The following RPA3 variants were observed in gnomAD, a reference collection of about 807,000 sequenced individuals.
RPA3 encodes the protein replication protein A 14 kDa subunit.
In RPA3, 24 loss-of-function variants were observed where a neutral mutation model predicts 13.7. The ratio of observed to expected loss-of-function variants is 1.75; its 90% confidence interval spans 1.27 to 2.46. The LOEUF (loss-of-function observed/expected upper bound fraction) is 2.46, where lower values mean the gene tolerates loss of function less well. RPA3 is among the 30% of genes most tolerant of loss of function. RPA3 has a pLI of 0.00. For synonymous variants in RPA3, 59 were observed against 51.2 expected (o/e 1.15, Z -0.65); for missense variants, 183 against 151.0 (o/e 1.21, Z -1.11).
intron 4 of RPA3, among the ~76,000 whole-genome samples, chr7:7,681,455 G>T (rs1409307111): frequency 1.3e-5 from 2 of 152,102 alleles, no homozygotes; most frequent in African/African-American, 2.4e-5. Context: ...ACCTTTCTCC[G>T]CATTAAGATT....
chr7:7,643,711 CA>C (rs34403294), intron 4 of RPA3, among the ~76,000 whole-genome samples: 7 of 66,962 alleles, frequency 1.0e-4, no homozygotes, highest in East Asian at 2.6e-4. Context: ...GACTCCCTCT[CA>C]AAAAAAAAAA....
chr7:7,666,410 G>A (rs998953896), intron 4 of RPA3, among the ~76,000 whole-genome samples: 11 of 152,048 alleles, frequency 7.2e-5, no homozygotes, highest in African/African-American at 2.2e-4. Flanking sequence ...GTTTTGCCAC[G>A]TTGCCCAGGC....
At chr7:7,691,011 T>G (rs971971903) in intron 2 of RPA3, among the ~76,000 whole-genome samples, 19 of 152,326 alleles carry the variant, frequency 1.2e-4, no homozygotes, top group African/African-American at 4.1e-4. Flanking sequence ...TTACAGGACC[T>G]TGAAGCATGT....
chr7:7,661,711 A>T (rs1233636583), intron 4 of RPA3, among the ~76,000 whole-genome samples: 1 of 152,182 alleles, frequency 6.6e-6, no homozygotes, highest in African/African-American at 2.4e-5. Context: ...ACCAGATGCC[A>T]GCCAGAGCTC....
chr7:7,640,512 A>G lies in RPA3; in HGVS notation c.-94T>C, dbSNP rs1784942699. The G allele has an allele frequency of 8.7e-7, 1 of 1,148,702 alleles. No homozygotes were observed. Among genetic ancestry groups the G allele is most frequent in the African/African-American group, 1.5e-5 (1 of 65,382 alleles). The allele number at this position is 1,148,702 out of a possible 1,614,324, so 71.2% of individuals were successfully genotyped here. ...CTATGGGGCAGATTTCTCGGCACCA[A>G]TCAGCGAAGACTAGCGCTCCAGCTT... On this transcript the variant is annotated 5_prime_UTR_variant, in exon 5 of 8. Transcript: ENST00000223129.
At chr7:7,695,318 A>G (rs936056413) in intron 2 of RPA3, among the ~76,000 whole-genome samples, 2 of 152,226 alleles carry the variant, frequency 1.3e-5, no homozygotes, top group African/African-American at 2.4e-5. Flanking sequence ...TCTCAAGCCC[A>G]GCCAACTTTA....
intron 2 of RPA3, among the ~76,000 whole-genome samples, chr7:7,714,167 A>T (rs949540542): frequency 2.0e-5 from 3 of 152,234 alleles, no homozygotes; most frequent in African/African-American, 7.2e-5. Flanking sequence ...AAATGTGTTG[A>T]GACTTGATTC....
At chr7:7,713,629 G>T (rs186311577) in intron 2 of RPA3, among the ~76,000 whole-genome samples, 2 of 150,072 alleles carry the variant, frequency 1.3e-5, no homozygotes, top group East Asian at 2.0e-4. Flanking sequence ...ATTTTCTTTG[G>T]AGTTTATTTT....
intron 4 of RPA3, among the ~76,000 whole-genome samples, chr7:7,666,433 C>T (rs1367233679): frequency 1.3e-5 from 2 of 151,898 alleles, no homozygotes; most frequent in Admixed American, 6.6e-5. Context: ...GTCATGAGCT[C>T]CTGGCCTCAA....
intron 2 of RPA3, among the ~76,000 whole-genome samples, chr7:7,704,932 A>G (rs1009181188): frequency 3.3e-5 from 5 of 152,158 alleles, no homozygotes; most frequent in African/African-American, 1.2e-4. Context: ...TCTAAACAGT[A>G]TTCATCATCT....
chr7:7,717,484 GTAT>G (rs1563151205), intron 1 of RPA3, among the ~76,000 whole-genome samples: 1 of 152,166 alleles, frequency 6.6e-6, no homozygotes, highest in Non-Finnish European at 1.5e-5. Flanking sequence ...TACTTCAGAA[GTAT>G]TTACTTTATT....
At chr7:7,677,834 C>T (rs945193971) in intron 4 of RPA3, among the ~76,000 whole-genome samples, 18 of 150,914 alleles carry the variant, frequency 1.2e-4, no homozygotes, top group African/African-American at 3.4e-4. Flanking sequence ...CCACTACGCC[C>T]GGCTAATTTT....
rs1218530030 is a variant in RPA3, at chr7:7,685,832, T to C, written c.-760A>G. The stretch of plus-strand genomic sequence containing the variant: ...TCATGATAGAATTATGGTCTTACCT[T>C]GGAAGAATAGTATCTCATAAAATAA... On this transcript the variant is annotated splice_region_variant and 5_prime_UTR_variant, in exon 4 of 8. Transcript: ENST00000223129. The C allele has an allele frequency of 6.6e-6, 1 of 152,256 alleles. No homozygotes were observed. Among genetic ancestry groups the C allele is most frequent in the Non-Finnish European group, 1.5e-5 (1 of 68,046 alleles). The allele number at this position is 152,256 out of a possible 1,614,324, so 9.4% of individuals were successfully genotyped here.
intron 4 of RPA3, among the ~76,000 whole-genome samples, chr7:7,674,151 T>A (rs928163004): frequency 1.5e-4 from 23 of 152,192 alleles, no homozygotes; most frequent in African/African-American, 5.5e-4. Context: ...GTGGTTCTCA[T>A]CCTTTTCCAT....
In RPA3 at chr7:7,685,434, C is replaced by T. The variant is rs193121099; in HGVS notation, c.-758+396G>A. Among the ~76,000 whole-genome samples, 803 of 151,872 alleles carry T rather than the reference C, an allele frequency of 5.3e-3. 2 individuals are homozygous for T. Among genetic ancestry groups the T allele is most frequent in the Admixed American group, 7.5e-3 (114 of 15,248 alleles). ...AAGCGATTCTCCTGCCTCAGCCTTC[C>T]GAGTAGCTGGGACTACAGGTGTGCG... On this transcript the variant is annotated intron_variant, in intron 4 of 7. Transcript: ENST00000223129.
At chr7:7,698,914 G>A (rs1655974221) in intron 2 of RPA3, among the ~76,000 whole-genome samples, 2 of 149,746 alleles carry the variant, frequency 1.3e-5, no homozygotes, top group South Asian at 4.2e-4. Flanking sequence ...TGTTGCCCAG[G>A]TCTGATAACA....
rs1784945897 is a variant in RPA3, at chr7:7,640,661, G to A, written c.-243C>T. 2 of 529,018 alleles carry A rather than the reference G, an allele frequency of 3.8e-6. No individual in the cohort carries two copies. Among genetic ancestry groups the A allele is most frequent in the Non-Finnish European group, 6.8e-6 (2 of 295,450 alleles). 32.8% of individuals were successfully genotyped at this position (529,018 alleles called of 1,614,324 possible). A position where few individuals can be genotyped will look rare whatever the true frequency, so the allele number is the denominator to read the frequency against. Reference sequence around the variant, plus strand: ...AGTGACGCGCGGCGTCCCGGAAGTTGACAGATACAGGGCGAGAGGCAGTGG... The same window carrying A: ...AGTGACGCGCGGCGTCCCGGAAGTTAACAGATACAGGGCGAGAGGCAGTGG... On this transcript the variant is annotated 5_prime_UTR_variant, in exon 5 of 8. Coordinates refer to ENST00000223129, the MANE Select transcript of RPA3 (RefSeq NM_002947.5).
At chr7:7,675,591 C>G (rs1028537263) in intron 4 of RPA3, among the ~76,000 whole-genome samples, 1 of 152,150 alleles carries the variant, frequency 6.6e-6, no homozygotes, top group Admixed American at 6.5e-5. Flanking sequence ...ACACAAACTT[C>G]CAAATTTCGT....
intron 4 of RPA3, among the ~76,000 whole-genome samples, chr7:7,655,833 C>T (rs556471755): frequency 1.3e-5 from 2 of 151,744 alleles, no homozygotes; most frequent in African/African-American, 4.8e-5. Context: ...CTCTCTCTCT[C>T]TCTCTTTGTT....
Sources: gnomAD v4.1 joint callset for allele counts (sites outside exome capture counted in the v4.1 genomes callset) on GRCh38, gnomAD v4.1.1 for gene constraint, MANE v1.5 for transcripts, NCBI Gene and HGNC (gene_info 2026-07-23, HGNC 2026-07-21) for gene names.